The following DERA variants were observed in gnomAD, a reference collection of about 807,000 sequenced individuals.
DERA encodes the protein 2-deoxy-D-ribose 5-phosphate aldolase.
In DERA, 15 loss-of-function variants were observed where a neutral mutation model predicts 41.1. That is an observed-to-expected ratio of 0.37 (90% confidence interval 0.24 to 0.56). DERA has a LOEUF of 0.56. DERA is among the 20% of genes least tolerant of loss of function. The probability of loss-of-function intolerance (pLI) is 0.81; values close to 1 mark genes in which losing one functional copy is unlikely to be tolerated. For missense variants in DERA, 396 were observed against 403.4 expected, an observed-to-expected ratio of 0.98 and a Z score of 0.16; for synonymous variants, 139 against 137.4, an observed-to-expected ratio of 1.01 and a Z score of -0.08.
intron 6 of DERA, among the ~76,000 whole-genome samples, chr12:15,987,170 T>G (rs1948770165): frequency 1.3e-5 from 2 of 151,846 alleles, no homozygotes; most frequent in African/African-American, 2.4e-5. Context: ...CTGAGCTGCT[T>G]GGATTTGGAG....
In DERA at chr12:16,001,496, A is replaced by G. The variant is rs1361290978; in HGVS notation, c.637+19060A>G. On this transcript the variant is annotated intron_variant, in intron 6 of 8. Transcript: ENST00000428559. The surrounding 1 kb of genome is among the most constrained non-coding windows in gnomAD (Gnocchi z 4.1). ...GACCAGAAAGAGATTCGTGCTCAGT[A>G]ACAAAGAGAGAGTAATACAGACTTG... Among the ~76,000 whole-genome samples, 1 of 152,208 alleles carries G rather than the reference A, an allele frequency of 6.6e-6. No homozygotes were observed. Among genetic ancestry groups the G allele is most frequent in the Non-Finnish European group, 1.5e-5 (1 of 68,042 alleles).
rs1232647766 is a variant in DERA, at chr12:15,921,167, TAAAGTG to T, written c.31+9756_31+9761del. On this transcript the variant is annotated intron_variant, in intron 1 of 8. Transcript: ENST00000428559. The surrounding 1 kb of genome is among the most constrained non-coding windows in gnomAD (Gnocchi z 5.3). ...GATTGAGATAAGTGAAGAAATGTGTTAAAGTGAATGTGAAGGCATGTTGGAAACATC... is the reference window on the plus strand; with the variant it reads ...GATTGAGATAAGTGAAGAAATGTGTTAATGTGAAGGCATGTTGGAAACATC... 2.0e-5 allele frequency among the ~76,000 whole-genome samples: 3 copies of T among 152,216 alleles called. No individual in the cohort carries two copies. Among genetic ancestry groups the T allele is most frequent in the Non-Finnish European group, 4.4e-5 (3 of 68,030 alleles).
At position 15,935,192 on chromosome 12, in the gene DERA, A is replaced by G. The variant is rs191263007; in HGVS notation, c.32-21744A>G. Among the ~76,000 whole-genome samples, 9 of 152,332 alleles carry G rather than the reference A, an allele frequency of 5.9e-5. No individual in the cohort carries two copies. Among genetic ancestry groups the G allele is most frequent in the Non-Finnish European group, 1.2e-4 (8 of 68,034 alleles). ...CATTGCTATGATATTTTAAAGTTTC[A>G]CTGTAATTTTTTGGCTGAGTATGGT... On this transcript the variant is annotated intron_variant, in intron 1 of 8. Coordinates refer to ENST00000428559, the MANE Select transcript of DERA (RefSeq NM_015954.4). The surrounding 1 kb of genome is among the most constrained non-coding windows in gnomAD (Gnocchi z 4.8).
chr12:15,928,256 AC>A lies in DERA; in HGVS notation c.31+16845del, dbSNP rs1948302075. ...TTTTCTTGTATGACTGAAACTTTGT[AC>A]CCTTTGACCATCATCTCTAATTACC... On this transcript the variant is annotated intron_variant, in intron 1 of 8. Transcript: ENST00000428559. This position sits in a 1 kb window ranked among gnomAD's most constrained non-coding sequence, Gnocchi z 4.6. 6.6e-6 allele frequency among the ~76,000 whole-genome samples: 1 copy of A among 152,192 alleles called. No individual in the cohort carries two copies.
chr12:16,012,725 G>T lies in DERA; in HGVS notation c.638-19817G>T, dbSNP rs1245145834. ...TGGTGTCAAATTGTTAACCTACAGAGTGATTACATGTTTTGGTGTCTCATT... is the reference window on the plus strand; with the variant it reads ...TGGTGTCAAATTGTTAACCTACAGATTGATTACATGTTTTGGTGTCTCATT... On this transcript the variant is annotated intron_variant, in intron 6 of 8. Transcript: ENST00000428559. This position sits in a 1 kb window ranked among gnomAD's most constrained non-coding sequence, Gnocchi z 4.1. 6.6e-6 allele frequency among the ~76,000 whole-genome samples: 1 copy of T among 152,128 alleles called. No homozygotes were observed. The highest frequency in any genetic ancestry group is 2.4e-5 in the African/African-American group (1 of 41,436).
Position 15,992,225 on chromosome 12 carries a change from A to T in DERA, c.637+9789A>T, listed in dbSNP as rs1333749161. ...TGAATGAGTGAAAGAGAGAAAAAAG[A>T]TAGAGATAAGGAAAAGTGAAAAGAA... On this transcript the variant is annotated intron_variant, in intron 6 of 8. Coordinates refer to ENST00000428559, the MANE Select transcript of DERA (RefSeq NM_015954.4). The surrounding 1 kb of genome is among the most constrained non-coding windows in gnomAD (Gnocchi z 4.3). 6.6e-6 allele frequency among the ~76,000 whole-genome samples: 1 copy of T among 152,178 alleles called. No individual in the cohort carries two copies. The highest frequency in any genetic ancestry group is 2.4e-5 in the African/African-American group (1 of 41,460).
chr12:16,034,640 G>T (rs1949114916), intron 7 of DERA, among the ~76,000 whole-genome samples: 1 of 152,090 alleles, frequency 6.6e-6, no homozygotes, highest in Non-Finnish European at 1.5e-5. Flanking sequence ...TGATTTAAGG[G>T]TGTTTTAAAA....
At chr12:16,016,353 T>C (rs77817384) in intron 6 of DERA, among the ~76,000 whole-genome samples, 4,038 of 152,296 alleles carry the variant, frequency 0.027, 84 homozygotes, top group Middle Eastern at 0.061. Flanking sequence ...GGAGAACCCA[T>C]ATTTGAATTG....
intron 6 of DERA, among the ~76,000 whole-genome samples, chr12:16,022,455 A>G (rs962575038): frequency 3.9e-5 from 6 of 152,222 alleles, no homozygotes; most frequent in Non-Finnish European, 5.9e-5. Context: ...ATAATGGACT[A>G]ACACAGCATA....
intron 6 of DERA, among the ~76,000 whole-genome samples, chr12:16,015,228 G>T (rs1948973113): frequency 1.3e-5 from 2 of 152,218 alleles, no homozygotes; most frequent in African/African-American, 4.8e-5. Flanking sequence ...ACTTGGGAAG[G>T]GCCAGGGGCA....
chr12:15,962,787 T>C (rs1314957206), intron 4 of DERA, 26 bp from the exon 5 acceptor site: 3 of 1,521,972 alleles, frequency 2.0e-6, no homozygotes, highest in Non-Finnish European at 2.7e-6. Flanking sequence ...TCCCTCTTTC[T>C]TCATTTCCTT....
In DERA at chr12:16,026,199, T is replaced by C. The variant is rs558434317; in HGVS notation, c.638-6343T>C. Among the ~76,000 whole-genome samples, 5 of 150,850 alleles carry C rather than the reference T, an allele frequency of 3.3e-5. No individual in the cohort carries two copies. The East Asian group carries it at 9.7e-4, about 29-fold the overall frequency. ...AGAAATGAGAACAGAAATGATGAAA[T>C]TGAAAACAAAAACAACAGAGAAATT... On this transcript the variant is annotated intron_variant, in intron 6 of 8. Transcript: ENST00000428559. The surrounding 1 kb of genome is among the most constrained non-coding windows in gnomAD (Gnocchi z 4.4).
rs1949128361 is a variant in DERA at position 16,036,344 on chromosome 12, T to C, written c.863T>C (p.Ile288Thr). 6.2e-7 allele frequency: 1 copy of C among 1,613,478 alleles called. No individual in the cohort carries two copies. The highest frequency in any genetic ancestry group is 8.5e-7 in the Non-Finnish European group (1 of 1,179,632). The change falls in exon 8 of 9, where the codon ATA (isoleucine) becomes ACA (threonine). Residue 288 changes from isoleucine to threonine, a missense_variant. Ile to Thr is a moderately conservative substitution (Grantham distance 89). Coordinates refer to ENST00000428559, the MANE Select transcript of DERA (RefSeq NM_015954.4). This position sits in a 1 kb window ranked among gnomAD's most constrained non-coding sequence, Gnocchi z 4.9. ...DEWLKPELFR[I>T]GASTLLSDIE... The stretch of plus-strand genomic sequence containing the variant: ...TGGCTGAAGCCAGAACTCTTTCGAA[T>C]AGGTGCCAGTACTCTGCTCTCGGAC...
Position 15,918,243 on chromosome 12 carries a change from A to G in DERA, c.31+6829A>G, listed in dbSNP as rs191256741. Among the ~76,000 whole-genome samples, 757 of 151,996 alleles carry G rather than the reference A, an allele frequency of 5.0e-3. 6 individuals carry two copies. The highest frequency in any genetic ancestry group is 0.034 in the Middle Eastern group (10 of 294). On this transcript the variant is annotated intron_variant, in intron 1 of 8. Coordinates refer to ENST00000428559, the MANE Select transcript of DERA (RefSeq NM_015954.4). This position sits in a 1 kb window ranked among gnomAD's most constrained non-coding sequence, Gnocchi z 4.3. Reference sequence around the variant, plus strand: ...CCCACAGCAGGCTGCTGCCTACACAAATCTCCCTGTTACCTTAGTGTGGGG... The same window carrying G: ...CCCACAGCAGGCTGCTGCCTACACAGATCTCCCTGTTACCTTAGTGTGGGG...
In DERA at chr12:15,911,358, C is replaced by G. The variant is rs1948161332; in HGVS notation, c.-26C>G. 7.0e-7 allele frequency: 1 copy of G among 1,423,040 alleles called. No homozygotes were observed. The highest frequency in any genetic ancestry group is 9.1e-7 in the Non-Finnish European group (1 of 1,099,628). The allele number at this position is 1,423,040 out of a possible 1,614,324, so 88.2% of individuals were successfully genotyped here. On this transcript the variant is annotated 5_prime_UTR_variant, in exon 1 of 9. Coordinates refer to ENST00000428559, the MANE Select transcript of DERA (RefSeq NM_015954.4). The surrounding 1 kb of genome is among the most constrained non-coding windows in gnomAD (Gnocchi z 4.5). Reference sequence around the variant, plus strand: ...CGGCGCAGAGGCGGGCGCCTACCAGCCGGCAGCTCCGGAGCTGCCCGCGCC... The same window carrying G: ...CGGCGCAGAGGCGGGCGCCTACCAGGCGGCAGCTCCGGAGCTGCCCGCGCC...
rs569846326 is a variant in DERA at position 16,026,552 on chromosome 12, A to G, written c.638-5990A>G. The stretch of plus-strand genomic sequence containing the variant: ...AAATTTAATTTAATTTCTTTTATAA[A>G]ATATTTAATGTGACTTTTACATAAA... On this transcript the variant is annotated intron_variant, in intron 6 of 8. Coordinates refer to ENST00000428559, the MANE Select transcript of DERA (RefSeq NM_015954.4). This position sits in a 1 kb window ranked among gnomAD's most constrained non-coding sequence, Gnocchi z 4.4. Among the ~76,000 whole-genome samples, 56 of 150,824 alleles carry G rather than the reference A, an allele frequency of 3.7e-4. No individual in the cohort carries two copies. In the South Asian group the frequency reaches 0.011, roughly 29 times the overall value.
intron 6 of DERA, among the ~76,000 whole-genome samples, chr12:16,027,114 C>A (rs1949058650): frequency 6.6e-6 from 1 of 152,124 alleles, no homozygotes; most frequent in African/African-American, 2.4e-5. Flanking sequence ...AAAGCCTCGG[C>A]AAACTAGAAA....
intron 5 of DERA, among the ~76,000 whole-genome samples, chr12:15,964,847 A>G (rs1264013643): frequency 6.6e-6 from 1 of 152,226 alleles, no homozygotes; most frequent in African/African-American, 2.4e-5. Context: ...GATGTAGCTG[A>G]CTGCCCCTTA....
chr12:16,025,740 C>G (rs1436251253), intron 6 of DERA, among the ~76,000 whole-genome samples: 1 of 152,098 alleles, frequency 6.6e-6, no homozygotes, highest in African/African-American at 2.4e-5. Context: ...CATCCAACAA[C>G]AGCAGAATAC....
Sources: gnomAD v4.1 joint callset for allele counts (sites outside exome capture counted in the v4.1 genomes callset) on GRCh38, gnomAD v4.1.1 for gene constraint, Gnocchi (gnomAD v3.1) non-coding constraint, MANE v1.5 for transcripts, NCBI Gene and HGNC (gene_info 2026-07-23, HGNC 2026-07-21) for gene names.